The following PIK3C2G variants were observed in gnomAD, a reference collection of about 807,000 sequenced individuals.
PIK3C2G encodes phosphatidylinositol 3-kinase C2 domain-containing subunit gamma.
Under a neutral mutation model 181.1 loss-of-function variants are expected in PIK3C2G, and 168 were observed. That is an observed-to-expected ratio of 0.93 (90% CI 0.82 to 1.05). PIK3C2G has a LOEUF of 1.05. Among genes scored for constraint, PIK3C2G ranks in the 50% least tolerant of loss-of-function variants. The probability of loss-of-function intolerance (pLI) is 0.00; values close to 1 mark genes in which losing one functional copy is unlikely to be tolerated. For synonymous variants in PIK3C2G, 573 were observed against 592.2 expected, an observed-to-expected ratio of 0.97 and a Z score of 0.47; for missense variants, 1,869 against 1,732.8, an observed-to-expected ratio of 1.08 and a Z score of -1.40.
At chr12:18,696,029 C>G in the PIK3C2G span, 1 of 593,848 alleles carries the variant, frequency 1.7e-6, no homozygotes, top group Non-Finnish European at 3.1e-6. Context: ...TGCCTGACCC[C>G]AAAGCCCCCG....
chr12:18,531,444 C>T (rs1232258285), intron 24 of PIK3C2G, among the ~76,000 whole-genome samples: 1 of 152,156 alleles, frequency 6.6e-6, no homozygotes, highest in Admixed American at 6.6e-5. Flanking sequence ...AACCAGGATA[C>T]TGATATCAAT....
At chr12:18,302,484 TG>T (rs1326267900) in intron 5 of PIK3C2G, among the ~76,000 whole-genome samples, 2 of 151,954 alleles carry the variant, frequency 1.3e-5, no homozygotes, top group African/African-American at 4.8e-5. Context: ...ATGTTATGGG[TG>T]GGCAGGGCGA....
downstream of PIK3C2G, among the ~76,000 whole-genome samples, chr12:18,650,148 G>A (rs896687961): frequency 6.6e-6 from 1 of 151,852 alleles, no homozygotes; most frequent in African/African-American, 2.4e-5. Flanking sequence ...CCCAAACTCA[G>A]TATCCCCAAA....
the PIK3C2G span, among the ~76,000 whole-genome samples, chr12:18,665,835 T>C: frequency 6.5e-3 from 983 of 151,396 alleles, 16 homozygotes; most frequent in African/African-American, 0.022. Flanking sequence ...CTTGGGAGGC[T>C]GAGGCAGGGG....
rs139699014 is a variant in PIK3C2G, at chr12:18,628,689, C to A, written c.4183-11740C>A. On this transcript the variant is annotated intron_variant, in intron 31 of 32. Transcript: ENST00000538779. ...TTCAGTTGAGAAAGAAGTATCCTCA[C>A]TAGTGAATTCTAAGAAGATCCTAAG... Among the ~76,000 whole-genome samples, 787 of 152,316 alleles carry A rather than the reference C, an allele frequency of 5.2e-3. 3 individuals are homozygous for A. The highest frequency in any genetic ancestry group is 8.9e-3 in the Non-Finnish European group (606 of 68,034).
intron 18 of PIK3C2G, among the ~76,000 whole-genome samples, chr12:18,453,444 C>T (rs1422520561): frequency 1.3e-5 from 2 of 151,822 alleles, no homozygotes; most frequent in Non-Finnish European, 2.9e-5. Flanking sequence ...ATGCATACAA[C>T]TCTTTAATGA....
intron 8 of PIK3C2G, among the ~76,000 whole-genome samples, chr12:18,325,915 G>T (rs559524433): frequency 6.6e-6 from 1 of 152,228 alleles, no homozygotes; most frequent in South Asian, 2.1e-4. Context: ...TACTTTGTCA[G>T]CTGATGACAT....
At chr12:18,584,488 T>G (rs983116290) in intron 29 of PIK3C2G, among the ~76,000 whole-genome samples, 4 of 151,588 alleles carry the variant, frequency 2.6e-5, no homozygotes, top group African/African-American at 9.7e-5. Flanking sequence ...CAGACAAAAG[T>G]AAAGAGAAAA....
intron 30 of PIK3C2G, among the ~76,000 whole-genome samples, chr12:18,597,512 C>G (rs1439201561): frequency 1.3e-5 from 2 of 152,034 alleles, no homozygotes; most frequent in African/African-American, 4.8e-5. Flanking sequence ...CTTAACTCAT[C>G]TATTAAGGAA....
At chr12:18,466,235 A>C (rs1053929528) in intron 18 of PIK3C2G, among the ~76,000 whole-genome samples, 1 of 148,230 alleles carries the variant, frequency 6.7e-6, no homozygotes, top group African/African-American at 2.6e-5. Context: ...ACTTCTTTAA[A>C]AAGTTGTTTA....
intron 29 of PIK3C2G, among the ~76,000 whole-genome samples, chr12:18,569,368 C>G (rs1204342437): frequency 6.6e-6 from 1 of 151,864 alleles, no homozygotes; most frequent in Non-Finnish European, 1.5e-5. Flanking sequence ...AAGCAGAACA[C>G]CCAGCTGAGC....
At chr12:18,724,482 ACT>A in the PIK3C2G span, among the ~76,000 whole-genome samples, 3 of 152,038 alleles carry the variant, frequency 2.0e-5, no homozygotes, top group African/African-American at 7.2e-5. Flanking sequence ...TAACATCTTA[ACT>A]CTCTTGTTAC....
At chr12:18,299,429 C>T (rs1404849334) in intron 5 of PIK3C2G, among the ~76,000 whole-genome samples, 1 of 151,738 alleles carries the variant, frequency 6.6e-6, no homozygotes, top group Non-Finnish European at 1.5e-5. Flanking sequence ...TATCAGTTTA[C>T]AGAGTTTTTT....
rs1202884091 is a variant in PIK3C2G at position 18,648,016 on chromosome 12, C to G, written c.4449C>G (p.Asn1483Lys). 6 of 1,591,074 alleles carry G rather than the reference C, an allele frequency of 3.8e-6. No homozygotes were observed. Among genetic ancestry groups the G allele is most frequent in the Non-Finnish European group, 5.1e-6 (6 of 1,168,022 alleles). The change falls in exon 33 of 33, where the codon AAC becomes AAG. Residue 1483 changes from asparagine (N) to lysine (K), a missense_variant. Asn to Lys is a moderately conservative substitution (Grantham distance 94, BLOSUM62 0). Transcript: ENST00000538779. ...LDKEKWYPLG[N>K]SII ...AAGAAAAATGGTATCCATTAGGAAA[C>G]AGTATAATTTGACCATTGCTATGAA...
intron 29 of PIK3C2G, among the ~76,000 whole-genome samples, chr12:18,584,180 A>G (rs1415077498): frequency 6.6e-6 from 1 of 151,564 alleles, no homozygotes; most frequent in Non-Finnish European, 1.5e-5. Flanking sequence ...GGCACCCGCC[A>G]CTGTGCCCAG....
chr12:18,469,383 T>TG (rs1011666058), intron 18 of PIK3C2G, among the ~76,000 whole-genome samples: 6 of 152,110 alleles, frequency 3.9e-5, no homozygotes, highest in Admixed American at 3.9e-4. Flanking sequence ...GAACCCCTGC[T>TG]GGGGGGAAAA....
chr12:18,703,276 T>G, the PIK3C2G span, among the ~76,000 whole-genome samples: 1 of 152,194 alleles, frequency 6.6e-6, no homozygotes, highest in African/African-American at 2.4e-5. Context: ...GTTCATTTTT[T>G]TCTGTCTCAG....
intron 6 of PIK3C2G, among the ~76,000 whole-genome samples, chr12:18,315,364 A>C (rs1181929552): frequency 2.6e-5 from 4 of 152,164 alleles, no homozygotes; most frequent in Admixed American, 6.6e-5. Context: ...TGTCAATATT[A>C]AACTTAAGAT....
chr12:18,303,177 TTCTC>T (rs746483840), intron 5 of PIK3C2G, among the ~76,000 whole-genome samples: 14 of 149,850 alleles, frequency 9.3e-5, no homozygotes, highest in Non-Finnish European at 1.6e-4. Flanking sequence ...TTCTTTCTCT[TTCTC>T]TCTCTTCTTT....
Sources: allele counts gnomAD v4.1 joint callset (sites outside exome capture counted in the v4.1 genomes callset), GRCh38; gene constraint gnomAD v4.1.1; transcripts MANE v1.5; gene names NCBI Gene and HGNC (gene_info 2026-07-23, HGNC 2026-07-21).